Variants in BTBD9 observed in about 807,000 individuals in gnomAD.
BTBD9 encodes BTB/POZ domain-containing protein 9.
Under a neutral mutation model 64.3 loss-of-function variants are expected in BTBD9, and 49 were observed. That is an observed-to-expected ratio of 0.76 (90% CI 0.61 to 0.97). The LOEUF (loss-of-function observed/expected upper bound fraction) is 0.97, where lower values mean the gene tolerates loss of function less well. Ranked by LOEUF, BTBD9 falls within the 50% of genes least tolerant of loss-of-function variation. BTBD9 has a pLI of 0.00. For synonymous variants in BTBD9, 260 were observed against 274.7 expected, an observed-to-expected ratio of 0.95 and a Z score of 0.53; for missense variants, 598 against 762.1, an observed-to-expected ratio of 0.78 and a Z score of 2.53.
chr6:38,387,511 T>C (rs989417051), intron 6 of BTBD9, among the ~76,000 whole-genome samples: 3 of 152,088 alleles, frequency 2.0e-5, no homozygotes, highest in African/African-American at 4.8e-5. Context: ...CACTCCAGCC[T>C]GGGCAAGAAG....
At chr6:38,317,238 A>G (rs1763062079) in intron 7 of BTBD9, among the ~76,000 whole-genome samples, 2 of 151,942 alleles carry the variant, frequency 1.3e-5, no homozygotes, top group African/African-American at 4.8e-5. Context: ...CTCGTGATCT[A>G]CCAGCCTCGG....
intron 6 of BTBD9, among the ~76,000 whole-genome samples, chr6:38,366,699 G>A (rs1765196259): frequency 6.6e-6 from 1 of 152,182 alleles, no homozygotes; most frequent in African/African-American, 2.4e-5. Context: ...GTCCCATGAA[G>A]GAAGTGGAAA....
chr6:38,294,407 T>G (rs1208137678), intron 7 of BTBD9, among the ~76,000 whole-genome samples: 1 of 152,188 alleles, frequency 6.6e-6, no homozygotes, highest in Non-Finnish European at 1.5e-5. Context: ...CCAACCCAAA[T>G]GCCCATCAAT....
At chr6:38,417,906 G>T (rs1462657639) in intron 6 of BTBD9, among the ~76,000 whole-genome samples, 1 of 151,862 alleles carries the variant, frequency 6.6e-6, no homozygotes, top group Non-Finnish European at 1.5e-5. Context: ...TCTTTGTTTT[G>T]GATAGCCAAT....
intron 6 of BTBD9, among the ~76,000 whole-genome samples, chr6:38,425,747 AT>A (rs947880477): frequency 1.2e-4 from 18 of 151,136 alleles, no homozygotes; most frequent in African/African-American, 4.2e-4. Context: ...ATCACTACCA[AT>A]AACTAAAAAA....
Position 38,513,403 on chromosome 6 carries a change from G to A in BTBD9, c.1154+64197C>T, listed in dbSNP as rs1425385926. 2.6e-5 allele frequency among the ~76,000 whole-genome samples: 4 copies of A among 151,504 alleles called. No homozygotes were observed. In the East Asian group the frequency reaches 5.8e-4, roughly 22 times the overall value. The stretch of plus-strand genomic sequence containing the variant: ...GCAGAGGTTTCAGTGAGCCAAGAAC[G>A]TGCCACTGCACTCCAGCTTGGGCAA... On this transcript the variant is annotated intron_variant, in intron 6 of 10. Transcript: ENST00000481247.
intron 6 of BTBD9, among the ~76,000 whole-genome samples, chr6:38,408,643 C>T (rs1256961804): frequency 6.6e-6 from 1 of 152,156 alleles, no homozygotes; most frequent in African/African-American, 2.4e-5. Context: ...AACCACTGAA[C>T]ATACAAACTA....
intron 6 of BTBD9, among the ~76,000 whole-genome samples, chr6:38,556,633 A>AT (rs1430027812): frequency 1.3e-5 from 2 of 149,890 alleles, no homozygotes; most frequent in Admixed American, 6.7e-5. Flanking sequence ...AAAATAAAAC[A>AT]TTTTTTTTTA....
intron 10 of BTBD9, among the ~76,000 whole-genome samples, chr6:38,190,688 T>C (rs1762035059): frequency 6.6e-6 from 1 of 152,132 alleles, no homozygotes; most frequent in Non-Finnish European, 1.5e-5. Context: ...ACAGAGATTT[T>C]TGGGAAACTC....
chr6:38,514,295 A>G (rs1468090798), intron 6 of BTBD9, among the ~76,000 whole-genome samples: 1 of 152,228 alleles, frequency 6.6e-6, no homozygotes, highest in East Asian at 1.9e-4. Flanking sequence ...TCGTACTGCT[A>G]TTATTCCTAA....
At chr6:38,366,962 G>C (rs571656863) in intron 6 of BTBD9, among the ~76,000 whole-genome samples, 2 of 152,328 alleles carry the variant, frequency 1.3e-5, no homozygotes, top group South Asian at 2.1e-4. Context: ...CCTGATCAAG[G>C]CTCCAGTTTT....
intron 6 of BTBD9, among the ~76,000 whole-genome samples, chr6:38,439,109 A>G (rs934534074): frequency 8.7e-6 from 1 of 114,346 alleles, no homozygotes; most frequent in African/African-American, 3.8e-5. Flanking sequence ...GTAGCAACTG[A>G]CTTTTTTTTT....
In BTBD9 at chr6:38,345,084, T is replaced by C. The variant is rs773517008; in HGVS notation, c.1164A>G (p.Arg388=). The C allele has an allele frequency of 7.5e-6, 12 of 1,601,704 alleles. No individual in the cohort carries two copies. In the South Asian group the frequency reaches 1.2e-4, roughly 16 times the overall value. Residue 388 remains arginine (R), a synonymous_variant, in exon 7 of 11, where the codon CGA becomes CGG. Transcript: ENST00000481247. Reference sequence around the variant, plus strand: ...TCACTGTGTTGTGAGTCCCAACAATTCGAATATACCTGACGGTAAAAAGAA... The same window carrying C: ...TCACTGTGTTGTGAGTCCCAACAATCCGAATATACCTGACGGTAAAAAGAA... ...YFPARVCRYI[R]IVGTHNTVNK...
chr6:38,184,808 T>A lies in BTBD9; in HGVS notation c.1641+7711A>T, dbSNP rs1026548904. On this transcript the variant is annotated intron_variant, in intron 10 of 10. Coordinates refer to ENST00000481247, the MANE Select transcript of BTBD9 (RefSeq NM_001099272.2). The surrounding 1 kb of genome is among the most constrained non-coding windows in gnomAD (Gnocchi z 4.4). ...GAGTCTGTTTCCCTGTTTTGTTTTTTTCCATTAGAGCCACATGTTGCTATG... is the reference window on the plus strand; with the variant it reads ...GAGTCTGTTTCCCTGTTTTGTTTTTATCCATTAGAGCCACATGTTGCTATG... Among the ~76,000 whole-genome samples the A allele has an allele frequency of 5.9e-5, 9 of 152,178 alleles. No individual in the cohort carries two copies. The highest frequency in any genetic ancestry group is 2.2e-4 in the African/African-American group (9 of 41,442).
At chr6:38,296,884 C>T (rs143873785) in intron 7 of BTBD9, among the ~76,000 whole-genome samples, 8 of 152,196 alleles carry the variant, frequency 5.3e-5, no homozygotes, top group South Asian at 4.1e-4. Flanking sequence ...GATGTGACTT[C>T]GTAAAATCTT....
intron 6 of BTBD9, among the ~76,000 whole-genome samples, chr6:38,421,144 G>A (rs897306480): frequency 2.0e-5 from 3 of 151,848 alleles, no homozygotes; most frequent in Non-Finnish European, 4.4e-5. Flanking sequence ...TTTGAGGTCA[G>A]GGGTCCAAGA....
intron 10 of BTBD9, among the ~76,000 whole-genome samples, chr6:38,188,872 A>G (rs530024593): frequency 6.6e-6 from 1 of 152,280 alleles, no homozygotes; most frequent in South Asian, 2.1e-4. Context: ...GCACACACCA[A>G]AGAAGGCCGT....
At chr6:38,425,111 C>A (rs547530496) in intron 6 of BTBD9, among the ~76,000 whole-genome samples, 2 of 122,976 alleles carry the variant, frequency 1.6e-5, no homozygotes, top group African/African-American at 5.8e-5. Context: ...CCACCGTGCC[C>A]GGCCTTTTTT....
intron 1 of BTBD9, among the ~76,000 whole-genome samples, chr6:38,599,830 G>A (rs767171980): frequency 6.6e-6 from 1 of 152,172 alleles, no homozygotes; most frequent in Non-Finnish European, 1.5e-5. Flanking sequence ...CCTCAAAAGG[G>A]GGAGCAATAG....
Sources: gnomAD v4.1 joint callset for allele counts (sites outside exome capture counted in the v4.1 genomes callset) on GRCh38, gnomAD v4.1.1 for gene constraint, Gnocchi (gnomAD v3.1) non-coding constraint, MANE v1.5 for transcripts, NCBI Gene and HGNC (gene_info 2026-07-23, HGNC 2026-07-21) for gene names.